The following GATA4 variants were observed in gnomAD, a reference collection of about 807,000 sequenced individuals.
GATA4 encodes the protein transcription factor GATA-4.
In GATA4, 7 loss-of-function variants were observed where a neutral mutation model predicts 37.9. The observed-to-expected ratio is 0.18, with a 90% CI of 0.11 to 0.35. GATA4 has a LOEUF of 0.35. Among genes scored for constraint, GATA4 ranks in the 10% least tolerant of loss-of-function variants. GATA4 has a pLI of 1.00. For synonymous variants in GATA4, 372 were observed against 292.6 expected (o/e 1.27, Z -2.77); for missense variants, 647 against 653.0 (o/e 0.99, Z 0.10).
At chr8:11,725,331 A>T (rs753131146) in intron 2 of GATA4, among the ~76,000 whole-genome samples, 1 of 152,204 alleles carries the variant, frequency 6.6e-6, no homozygotes, top group African/African-American at 2.4e-5. Flanking sequence ...CATTTTGAGT[A>T]GGTTGTGAAA....
chr8:11,706,068 G>A (rs1799877191), intron 1 of GATA4: 1 of 152,048 alleles, frequency 6.6e-6, no homozygotes. Flanking sequence ...ATTTTCAAAG[G>A]GAAAAGTTGG....
chr8:11,708,422 T>G lies in GATA4; in HGVS notation c.110T>G (p.Val37Gly). ...GGCGCGGGCGCCGCGTCCTCGCCAG[T>G]CTACGTGCCCACACCGCGGGTGCCC... ...MHGAGAASSP[V>G]YVPTPRVPSS... The change falls in exon 2 of 7, where the codon GTC becomes GGC. Residue 37 changes from valine to glycine, a missense_variant. This residue lies in a region of GATA4 where 379 missense variants were observed against 334.5 expected (regional missense o/e 1.13). Coordinates refer to ENST00000532059, the MANE Select transcript of GATA4 (RefSeq NM_001308093.3). This position sits in a 1 kb window ranked among gnomAD's most constrained non-coding sequence, Gnocchi z 6.7. 6.5e-7 allele frequency: 1 copy of G among 1,537,128 alleles called. No homozygotes were observed. Among genetic ancestry groups the G allele is most frequent in the Non-Finnish European group, 8.7e-7 (1 of 1,147,902 alleles).
chr8:11,728,672 C>T (rs145122222), intron 2 of GATA4, among the ~76,000 whole-genome samples: 1 of 152,274 alleles, frequency 6.6e-6, no homozygotes, highest in African/African-American at 2.4e-5. Context: ...CCTCAGCCTC[C>T]AAAAATGGTG....
chr8:11,696,114 A>G lies in GATA4; in HGVS notation c.-729+3454A>G, dbSNP rs79514554. Among the ~76,000 whole-genome samples, 604 of 152,178 alleles carry G rather than the reference A, an allele frequency of 4.0e-3. 4 individuals are homozygous for G. The highest frequency in any genetic ancestry group is 6.9e-3 in the Non-Finnish European group (467 of 67,998). On this transcript the variant is annotated intron_variant, in intron 1 of 2. Coordinates refer to the GATA4 transcript ENST00000526974. ...TGCTCTTTTTCCTTCTGCTTTTTTC[A>G]AAGCCAGATTTATTGAAGTGCAACT...
At chr8:11,697,680 C>T (rs955590710) in intron 1 of GATA4, 5 of 985,350 alleles carry the variant, frequency 5.1e-6, no homozygotes, top group Non-Finnish European at 4.8e-6. Flanking sequence ...GCCTGCGGAC[C>T]AGAGGCTGTT....
chr8:11,715,703 T>G (rs1800406538), intron 2 of GATA4, among the ~76,000 whole-genome samples: 1 of 151,914 alleles, frequency 6.6e-6, no homozygotes, highest in Admixed American at 6.6e-5. Context: ...ATCACACCAC[T>G]GCATTCCAGC....
chr8:11,685,509 G>A (rs906503344), intron 1 of GATA4, among the ~76,000 whole-genome samples: 4 of 152,270 alleles, frequency 2.6e-5, no homozygotes, highest in Non-Finnish European at 2.9e-5. Flanking sequence ...GTGCGCTTTC[G>A]TAGCAAATCA....
chr8:11,737,638 G>A (rs1398816203), intron 2 of GATA4, among the ~76,000 whole-genome samples: 1 of 152,232 alleles, frequency 6.6e-6, no homozygotes, highest in East Asian at 1.9e-4. Context: ...AGGAGCTAGG[G>A]TGCTGTGAAA....
At chr8:11,721,359 A>G (rs1216489783) in intron 2 of GATA4, among the ~76,000 whole-genome samples, 7 of 149,112 alleles carry the variant, frequency 4.7e-5, no homozygotes, top group Admixed American at 1.3e-4. Flanking sequence ...GAATGCAAGC[A>G]GAAGCACGGC....
At chr8:11,705,890 C>T (rs1799869493) in intron 1 of GATA4, 1 of 152,156 alleles carries the variant, frequency 6.6e-6, no homozygotes, top group African/African-American at 2.4e-5. Context: ...TTATAAAATT[C>T]TAAATCTCCT....
At chr8:11,713,791 G>A (rs138406147) in intron 2 of GATA4, among the ~76,000 whole-genome samples, 2 of 152,328 alleles carry the variant, frequency 1.3e-5, no homozygotes, top group East Asian at 1.9e-4. Flanking sequence ...ACTCCTGGGC[G>A]CTGGAAGCAC....
At chr8:11,683,677 G>C (rs1799049272) in intron 1 of GATA4, among the ~76,000 whole-genome samples, 1 of 152,122 alleles carries the variant, frequency 6.6e-6, no homozygotes, top group Non-Finnish European at 1.5e-5. Flanking sequence ...CGGAGACTGG[G>C]GCGGGACCCT....
chr8:11,710,327 C>T (rs867030836), intron 2 of GATA4, among the ~76,000 whole-genome samples: 7 of 152,114 alleles, frequency 4.6e-5, no homozygotes, highest in Non-Finnish European at 1.0e-4. Flanking sequence ...GCGACTTTTG[C>T]GAGATAGCGC....
chr8:11,688,753 A>T (rs1219609567), upstream of GATA4, among the ~76,000 whole-genome samples: 1 of 152,220 alleles, frequency 6.6e-6, no homozygotes, highest in Non-Finnish European at 1.5e-5. Context: ...TCATGAGAAT[A>T]GTGTTAGGAA....
At chr8:11,746,781 G>A (rs1411296898) in intron 2 of GATA4, among the ~76,000 whole-genome samples, 3 of 152,222 alleles carry the variant, frequency 2.0e-5, no homozygotes, top group South Asian at 2.1e-4. Context: ...GAGGGCAGGC[G>A]ACCTTGGTGG....
chr8:11,718,668 C>T (rs1800536583), intron 2 of GATA4, among the ~76,000 whole-genome samples: 1 of 152,222 alleles, frequency 6.6e-6, no homozygotes, highest in Non-Finnish European at 1.5e-5. Context: ...CCCCTAATCG[C>T]AAATCCAGTT....
intron 1 of GATA4, among the ~76,000 whole-genome samples, chr8:11,696,411 C>A (rs1020741049): frequency 9.2e-6 from 1 of 108,488 alleles, no homozygotes; most frequent in Non-Finnish European, 1.8e-5. Context: ...TGAATGCATT[C>A]GAGATTCATT....
intron 1 of GATA4, among the ~76,000 whole-genome samples, chr8:11,696,062 C>T (rs1799499641): frequency 6.6e-6 from 1 of 152,182 alleles, no homozygotes; most frequent in Admixed American, 6.5e-5. Context: ...AGAATGGGAG[C>T]TGAAGAGTCT....
Position 11,758,575 on chromosome 8 carries a change from G to A in GATA4, c.*100G>A, listed in dbSNP as rs909228246. 2.0e-5 allele frequency: 23 copies of A among 1,130,734 alleles called. No homozygotes were observed. The highest frequency in any genetic ancestry group is 2.9e-5 in the Non-Finnish European group (22 of 747,312). The allele number at this position is 1,130,734 out of a possible 1,614,324, so 70.0% of individuals were successfully genotyped here. ...CCCAGGGGCCGGCCTCCTCTGCCTG[G>A]TAATGACTCCAGAACAACAACTGGG... On this transcript the variant is annotated 3_prime_UTR_variant, in exon 7 of 7. Coordinates refer to ENST00000532059, the MANE Select transcript of GATA4 (RefSeq NM_001308093.3).
Sources: allele counts gnomAD v4.1 joint callset (sites outside exome capture counted in the v4.1 genomes callset), GRCh38; gene constraint gnomAD v4.1.1; regional missense constraint gnomAD v4.1.1; non-coding constraint Gnocchi (gnomAD v3.1); transcripts MANE v1.5; gene names NCBI Gene and HGNC (gene_info 2026-07-23, HGNC 2026-07-21).